CACNA2D3: variants seen among roughly 807,000 people sequenced by gnomAD.
CACNA2D3 encodes voltage-dependent calcium channel subunit alpha-2/delta-3.
A neutral mutation model predicts 160.6 loss-of-function variants in CACNA2D3; 60 were observed. That is an observed-to-expected ratio of 0.37 (90% confidence interval 0.30 to 0.46). CACNA2D3 has a LOEUF of 0.46. CACNA2D3 is among the 20% of genes least tolerant of loss of function. The pLI is 1.00. For synonymous variants in CACNA2D3, 558 were observed against 492.9 expected, an observed-to-expected ratio of 1.13 and a Z score of -1.75; for missense variants, 1,205 against 1,365.0, an observed-to-expected ratio of 0.88 and a Z score of 1.85.
At chr3:54,907,052 A>G (rs1178629131) in intron 27 of CACNA2D3, among the ~76,000 whole-genome samples, 1 of 152,186 alleles carries the variant, frequency 6.6e-6, no homozygotes, top group Non-Finnish European at 1.5e-5. Context: ...CCCAAGAGTT[A>G]CTGTCCCTTT....
chr3:54,299,497 C>T (rs1703425048), intron 2 of CACNA2D3, among the ~76,000 whole-genome samples: 1 of 152,124 alleles, frequency 6.6e-6, no homozygotes, highest in Non-Finnish European at 1.5e-5. Flanking sequence ...CTCTGGTTAA[C>T]CTTTTGTAGC....
At position 54,646,339 on chromosome 3, in the gene CACNA2D3, C is replaced by T. The variant is rs1047535083; in HGVS notation, c.1167+4098C>T. 4.0e-4 allele frequency among the ~76,000 whole-genome samples: 60 copies of T among 151,754 alleles called. 1 individual carries two copies. Among genetic ancestry groups the T allele is most frequent in the African/African-American group, 1.3e-3 (55 of 41,342 alleles). The stretch of plus-strand genomic sequence containing the variant: ...AAACATGTGCCATGGTGGTTTACTG[C>T]ACAGATCATTCTGTTACCCAGGTAT... On this transcript the variant is annotated intron_variant, in intron 11 of 37. Transcript: ENST00000474759.
Position 54,320,522 on chromosome 3 carries a change from G to C in CACNA2D3, c.285G>C (p.Met95Ile). 1 of 1,567,550 alleles carries C rather than the reference G, an allele frequency of 6.4e-7. No homozygotes were observed. Among genetic ancestry groups the C allele is most frequent in the Non-Finnish European group, 8.7e-7 (1 of 1,155,742 alleles). ...LQLVKKLAKN[M>I]EEMFHKKSEA... Reference sequence around the variant, plus strand: ...TGGTAAAGAAGCTGGCAAAGAACATGGAAGAGATGTTTCACAAGAAGTCTG... The same window carrying C: ...TGGTAAAGAAGCTGGCAAAGAACATCGAAGAGATGTTTCACAAGAAGTCTG... Residue 95 changes from methionine to isoleucine, a missense_variant, in exon 3 of 38, where the codon ATG becomes ATC. By Grantham distance (10) the Met-to-Ile change is conservative. Transcript: ENST00000474759.
intron 11 of CACNA2D3, among the ~76,000 whole-genome samples, chr3:54,646,723 G>A (rs1403348719): frequency 1.3e-5 from 2 of 152,126 alleles, no homozygotes; most frequent in African/African-American, 4.8e-5. Context: ...ACATACACAT[G>A]CATGTTATCT....
At chr3:54,867,976 A>G (rs1699441220) in intron 17 of CACNA2D3, among the ~76,000 whole-genome samples, 1 of 151,524 alleles carries the variant, frequency 6.6e-6, no homozygotes, top group Non-Finnish European at 1.5e-5. Context: ...GGAGTTCCCT[A>G]CAGGAAAACC....
At chr3:54,727,380 G>A (rs943689881) in intron 11 of CACNA2D3, among the ~76,000 whole-genome samples, 4 of 152,090 alleles carry the variant, frequency 2.6e-5, no homozygotes, top group Admixed American at 1.3e-4. Context: ...CTAGAAATAC[G>A]ATTTGACCCA....
At chr3:54,965,837 C>G (rs1338020008) in intron 27 of CACNA2D3, among the ~76,000 whole-genome samples, 1 of 152,126 alleles carries the variant, frequency 6.6e-6, no homozygotes, top group African/African-American at 2.4e-5. Context: ...GCAACAACCT[C>G]ATGGTGCAGG....
At chr3:54,581,975 CTT>C in intron 9 of CACNA2D3, 98 bp downstream of exon 9, 1 of 975,686 alleles carries the variant, frequency 1.0e-6, no homozygotes, top group Admixed American at 2.7e-5. Context: ...ATGCACTGCC[CTT>C]TCATTGAGGC....
chr3:54,209,926 T>C, intron 2 of CACNA2D3, among the ~76,000 whole-genome samples: 1 of 152,126 alleles, frequency 6.6e-6, no homozygotes, highest in East Asian at 1.9e-4. Flanking sequence ...GTGTATCTCT[T>C]TTAGTTTATG....
At chr3:54,350,974 T>A (rs1357402671) in intron 3 of CACNA2D3, among the ~76,000 whole-genome samples, 1 of 45,002 alleles carries the variant, frequency 2.2e-5, no homozygotes, top group Non-Finnish European at 4.8e-5. Context: ...GTCTGTTTTT[T>A]TTTTTTTGTT....
intron 16 of CACNA2D3, among the ~76,000 whole-genome samples, chr3:54,839,836 C>A (rs1216392924): frequency 6.6e-6 from 1 of 152,168 alleles, no homozygotes; most frequent in Non-Finnish European, 1.5e-5. Flanking sequence ...TCCAATCCCT[C>A]GTTCCCCAGC....
intron 9 of CACNA2D3, among the ~76,000 whole-genome samples, chr3:54,601,229 T>C (rs1703054210): frequency 6.6e-6 from 1 of 152,128 alleles, no homozygotes; most frequent in Non-Finnish European, 1.5e-5. Context: ...GTAGAGACAG[T>C]ATCTCACTGT....
At chr3:54,175,131 C>G (rs1254950209) in intron 2 of CACNA2D3, among the ~76,000 whole-genome samples, 1 of 152,176 alleles carries the variant, frequency 6.6e-6, no homozygotes, top group Non-Finnish European at 1.5e-5. Flanking sequence ...CTTGCCATTT[C>G]AAGTGCCACC....
chr3:54,722,805 G>A (rs1368366328), intron 11 of CACNA2D3, among the ~76,000 whole-genome samples: 1 of 152,196 alleles, frequency 6.6e-6, no homozygotes. Flanking sequence ...GCCAGCCAGA[G>A]CTCTCCTGTA....
intron 2 of CACNA2D3, among the ~76,000 whole-genome samples, chr3:54,282,671 G>A (rs62253198): frequency 4.6e-5 from 7 of 152,182 alleles, no homozygotes; most frequent in Non-Finnish European, 1.0e-4. Context: ...GGTATGCAAT[G>A]AGCTTCATGA....
chr3:54,400,783 G>A (rs1380873573), intron 4 of CACNA2D3, among the ~76,000 whole-genome samples: 1 of 152,184 alleles, frequency 6.6e-6, no homozygotes, highest in Non-Finnish European at 1.5e-5. Flanking sequence ...AAGTTTGGAA[G>A]AGGTGATTGT....
At chr3:55,017,333 C>G (rs1168452298) in intron 34 of CACNA2D3, among the ~76,000 whole-genome samples, 1 of 152,112 alleles carries the variant, frequency 6.6e-6, no homozygotes, top group Non-Finnish European at 1.5e-5. Flanking sequence ...ACTTCAGAGC[C>G]TTCACCCTTA....
At chr3:54,569,720 A>C in intron 6 of CACNA2D3, 75 bp from the exon 7 acceptor site, 4 of 1,220,656 alleles carry the variant, frequency 3.3e-6, no homozygotes, top group Non-Finnish European at 4.7e-6. Flanking sequence ...CAATCAGCAA[A>C]GTAGAGCAGC....
At chr3:54,728,671 A>C (rs1701323316) in intron 11 of CACNA2D3, among the ~76,000 whole-genome samples, 1 of 152,226 alleles carries the variant, frequency 6.6e-6, no homozygotes, top group Non-Finnish European at 1.5e-5. Context: ...CTTAGAAAGA[A>C]TAAATCCTGT....
Sources: allele counts gnomAD v4.1 joint callset (sites outside exome capture counted in the v4.1 genomes callset), GRCh38; gene constraint gnomAD v4.1.1; transcripts MANE v1.5; gene names NCBI Gene and HGNC (gene_info 2026-07-23, HGNC 2026-07-21).